The following RBFOX1 variants were observed in gnomAD, a reference collection of about 807,000 sequenced individuals.
RBFOX1 encodes RNA binding protein fox-1 homolog 1.
Under a neutral mutation model 57.7 loss-of-function variants are expected in RBFOX1, and 8 were observed. The observed-to-expected ratio is 0.14, with a 90% CI of 0.08 to 0.25. The LOEUF (loss-of-function observed/expected upper bound fraction) is 0.25, where lower values mean the gene tolerates loss of function less well. Ranked by LOEUF, RBFOX1 falls within the 10% of genes least tolerant of loss-of-function variation. The pLI, the probability that RBFOX1 is intolerant of heterozygous loss-of-function variation, is 1.00. For missense variants in RBFOX1, 611 were observed against 548.5 expected, an observed-to-expected ratio of 1.11 and a Z score of -1.14; for synonymous variants, 326 against 222.4, an observed-to-expected ratio of 1.47 and a Z score of -4.15.
At chr16:7,397,858 T>A (rs2098167998) in intron 4 of RBFOX1, among the ~76,000 whole-genome samples, 1 of 152,092 alleles carries the variant, frequency 6.6e-6, no homozygotes, top group South Asian at 2.1e-4. Flanking sequence ...AACCTCTTAG[T>A]CTATTGGAAC....
chr16:6,784,530 C>T (rs896347395), intron 3 of RBFOX1, among the ~76,000 whole-genome samples: 6 of 152,004 alleles, frequency 3.9e-5, no homozygotes, highest in Non-Finnish European at 8.8e-5. Flanking sequence ...ATGTTATCTC[C>T]AAGTTTGTTG....
intron 1 of RBFOX1, among the ~76,000 whole-genome samples, chr16:6,256,209 G>GGATATATA (rs2097663473): frequency 2.2e-5 from 1 of 46,210 alleles, no homozygotes; most frequent in Non-Finnish European, 4.0e-5. Context: ...ATATGTATAT[G>GGATATATA]TGTATATATA....
intron 3 of RBFOX1, among the ~76,000 whole-genome samples, chr16:6,915,881 C>G (rs534574520): frequency 6.6e-6 from 1 of 152,174 alleles, no homozygotes; most frequent in East Asian, 1.9e-4. Flanking sequence ...GAATAATTCT[C>G]CTGAAGTGGA....
chr16:7,271,351 G>T lies in RBFOX1; in HGVS notation c.27+219253G>T, dbSNP rs565654869. ...AACAACTGGATCTTTGTTATTTCTT[G>T]GGGGGAGCTCGTATCAAACTCTCCC... On this transcript the variant is annotated intron_variant, in intron 4 of 15. Coordinates refer to ENST00000550418, the MANE Select transcript of RBFOX1 (RefSeq NM_018723.4). Among the ~76,000 whole-genome samples the T allele has an allele frequency of 6.6e-5, 10 of 151,752 alleles. No homozygotes were observed. In the East Asian group the frequency reaches 9.8e-4, roughly 15 times the overall value.
chr16:5,618,227 C>T (rs1352447980), intron 3 of RBFOX1, among the ~76,000 whole-genome samples: 1 of 152,160 alleles, frequency 6.6e-6, no homozygotes, highest in Non-Finnish European at 1.5e-5. Flanking sequence ...GAGATGGAAT[C>T]CTGACCTGAT....
chr16:6,382,290 G>A (rs868492157), intron 2 of RBFOX1, among the ~76,000 whole-genome samples: 8 of 152,328 alleles, frequency 5.3e-5, no homozygotes, highest in African/African-American at 1.9e-4. Flanking sequence ...CCGTCCTAAA[G>A]TTTAGCACAG....
At chr16:5,554,500 A>C (rs1033246562) in intron 2 of RBFOX1, among the ~76,000 whole-genome samples, 5 of 152,138 alleles carry the variant, frequency 3.3e-5, no homozygotes, top group Non-Finnish European at 5.9e-5. Flanking sequence ...AATGTATATT[A>C]ACATTTTAAT....
At chr16:5,921,939 G>A (rs2058832106) in intron 4 of RBFOX1, among the ~76,000 whole-genome samples, 1 of 151,910 alleles carries the variant, frequency 6.6e-6, no homozygotes, top group Non-Finnish European at 1.5e-5. Context: ...ATCGCTTGAG[G>A]CTAGGAGTTT....
At chr16:6,845,476 G>C (rs148622471) in intron 3 of RBFOX1, among the ~76,000 whole-genome samples, 1 of 152,152 alleles carries the variant, frequency 6.6e-6, no homozygotes, top group Non-Finnish European at 1.5e-5. Context: ...GTTTGTCAAA[G>C]ATCAGATGGA....
At chr16:6,040,108 C>T (rs762245783) in intron 1 of RBFOX1, among the ~76,000 whole-genome samples, 6 of 152,158 alleles carry the variant, frequency 3.9e-5, no homozygotes, top group South Asian at 2.1e-4. Context: ...CATGAACACA[C>T]GTTATTACAT....
intron 5 of RBFOX1, among the ~76,000 whole-genome samples, chr16:7,578,720 G>T (rs1227621616): frequency 6.6e-6 from 1 of 152,202 alleles, no homozygotes; most frequent in Non-Finnish European, 1.5e-5. Flanking sequence ...TAGTTTCAAA[G>T]TTGGTATCTG....
chr16:6,220,946 A>G (rs1387322551), intron 1 of RBFOX1, among the ~76,000 whole-genome samples: 1 of 151,980 alleles, frequency 6.6e-6, no homozygotes, highest in Non-Finnish European at 1.5e-5. Context: ...TGGCTATCAA[A>G]TACTTCACTC....
intron 4 of RBFOX1, among the ~76,000 whole-genome samples, chr16:5,956,894 C>A (rs1033715425): frequency 1.3e-4 from 19 of 150,644 alleles, no homozygotes; most frequent in African/African-American, 4.6e-4. Flanking sequence ...TGCTTGGTCT[C>A]CTGGTCTCCA....
At chr16:6,975,588 G>T (rs2086653547) in intron 3 of RBFOX1, among the ~76,000 whole-genome samples, 1 of 152,132 alleles carries the variant, frequency 6.6e-6, no homozygotes, top group African/African-American at 2.4e-5. Flanking sequence ...TATGTTGATA[G>T]CACCTGGGAG....
At chr16:6,377,057 G>C (rs1054207257) in intron 2 of RBFOX1, among the ~76,000 whole-genome samples, 5 of 151,740 alleles carry the variant, frequency 3.3e-5, no homozygotes, top group African/African-American at 1.2e-4. Context: ...GGATCACTTT[G>C]AACTCAGGAG....
intron 3 of RBFOX1, chr16:6,704,925 A>G (rs1014225151): frequency 3.3e-5 from 5 of 152,188 alleles, no homozygotes; most frequent in African/African-American, 1.2e-4. Flanking sequence ...TTAAAAAGAA[A>G]TAACGGATCG....
intron 2 of RBFOX1, chr16:6,483,348 G>T (rs933829641): frequency 6.7e-7 from 1 of 1,487,448 alleles, no homozygotes; most frequent in Non-Finnish European, 8.9e-7. Context: ...GGTCGTGCCA[G>T]GCAGCCCGGG....
At chr16:5,975,907 G>T (rs2060052363) in intron 4 of RBFOX1, among the ~76,000 whole-genome samples, 1 of 152,122 alleles carries the variant, frequency 6.6e-6, no homozygotes, top group Non-Finnish European at 1.5e-5. Context: ...GTACTTTGGA[G>T]CTGAGGCAGG....
chr16:7,144,582 G>A (rs188880720), intron 4 of RBFOX1, among the ~76,000 whole-genome samples: 4 of 151,762 alleles, frequency 2.6e-5, no homozygotes, highest in South Asian at 2.1e-4. Context: ...GAGCTACTGC[G>A]CCTGAATCTA....
Sources: gnomAD v4.1 joint callset for allele counts (sites outside exome capture counted in the v4.1 genomes callset) on GRCh38, gnomAD v4.1.1 for gene constraint, MANE v1.5 for transcripts, NCBI Gene and HGNC (gene_info 2026-07-23, HGNC 2026-07-21) for gene names.